Variants in CHD6 observed in about 807,000 individuals in gnomAD.
CHD6 encodes the protein chromodomain helicase DNA binding protein 6, also known as ATP-dependent chromatin remodeler CHD6.
Under a neutral mutation model 276.9 loss-of-function variants are expected in CHD6, and 50 were observed. The observed-to-expected ratio is 0.18, with a 90% CI of 0.14 to 0.23. The LOEUF is 0.23. CHD6 is among the 10% of genes least tolerant of loss of function. CHD6 has a pLI of 1.00. For missense variants in CHD6, 2,564 were observed against 3,365.8 expected (o/e 0.76, Z 5.89); for synonymous variants, 1,173 against 1,229.3 (o/e 0.95, Z 0.96).
chr20:41,559,866 TACACACACACACGCACACATAC>T (rs1196453864), intron 1 of CHD6, among the ~76,000 whole-genome samples: 1 of 151,330 alleles, frequency 6.6e-6, no homozygotes, highest in Non-Finnish European at 1.5e-5. Context: ...GTACCACCTT[TACACACACACACGCACACATAC>T]ACACACACAC....
intron 31 of CHD6, among the ~76,000 whole-genome samples, chr20:41,419,877 T>C (rs1374131641): frequency 6.6e-6 from 1 of 152,218 alleles, no homozygotes; most frequent in Non-Finnish European, 1.5e-5. Flanking sequence ...GTCACCTAGA[T>C]TCTTAACATT....
In CHD6 at chr20:41,467,561, G is replaced by GAAAA. The variant is rs11472253; in HGVS notation, c.2664+5757_2664+5760dup. On this transcript the variant is annotated intron_variant, in intron 17 of 36. Transcript: ENST00000373233. The stretch of plus-strand genomic sequence containing the variant: ...AAATGAATAACGACGTTCTGACAAT[G>GAAAA]AAAAAAAAAAAAAAAAAAAAAAAAA... Among the ~76,000 whole-genome samples the GAAAA allele has an allele frequency of 4.1e-4, 16 of 39,148 alleles. 1 individual carries two copies. The highest frequency in any genetic ancestry group is 6.9e-4 in the East Asian group (1 of 1,448). The allele number at this position is 39,148 out of a possible 152,430, so 25.7% of individuals were successfully genotyped here.
rs146075444 is a variant in CHD6 at position 41,610,297 on chromosome 20, A to T, written c.-24+8043T>A. Among the ~76,000 whole-genome samples, 5 of 152,308 alleles carry T rather than the reference A, an allele frequency of 3.3e-5. No homozygotes were observed. In the East Asian group the frequency reaches 9.6e-4, roughly 29 times the overall value. ...TTAAAATTTGTATTCCCCATTTACA[A>T]GTAGATGGGGAGAGGAGACGGAGAA... On this transcript the variant is annotated intron_variant, in intron 1 of 36. Coordinates refer to ENST00000373233, the MANE Select transcript of CHD6 (RefSeq NM_032221.5).
chr20:41,459,665 T>C (rs551221283), intron 17 of CHD6, among the ~76,000 whole-genome samples: 2 of 152,368 alleles, frequency 1.3e-5, no homozygotes, highest in Admixed American at 6.5e-5. Context: ...GCCGCCGCCA[T>C]GTAAGAACAG....
At chr20:41,502,876 C>T (rs1453925460) in intron 5 of CHD6, among the ~76,000 whole-genome samples, 2 of 152,162 alleles carry the variant, frequency 1.3e-5, no homozygotes, top group African/African-American at 4.8e-5. Flanking sequence ...CGTGGTGGTG[C>T]ACGCCTATAG....
At chr20:41,425,089 T>G (rs1446281302) in intron 29 of CHD6, 89 bp downstream of exon 29, 2 of 977,890 alleles carry the variant, frequency 2.0e-6, no homozygotes, top group Non-Finnish European at 3.2e-6. Context: ...AGAACAGAAA[T>G]ATACTCGCCC....
intron 26 of CHD6, among the ~76,000 whole-genome samples, chr20:41,437,793 G>C (rs2047761990): frequency 6.6e-6 from 1 of 152,210 alleles, no homozygotes. Context: ...GCTGACAATA[G>C]ATCCCTTCTT....
chr20:41,455,192 G>A (rs950550200), intron 19 of CHD6, among the ~76,000 whole-genome samples: 2 of 152,078 alleles, frequency 1.3e-5, no homozygotes, highest in Non-Finnish European at 1.5e-5. Flanking sequence ...AACACTGAAC[G>A]TCCCACTAAA....
chr20:41,461,864 G>A (rs979423275), intron 17 of CHD6: 10 of 152,400 alleles, frequency 6.6e-5, no homozygotes, highest in African/African-American at 2.4e-4. Flanking sequence ...CACCAAGCAT[G>A]GGCAACAGAA....
intron 2 of CHD6, among the ~76,000 whole-genome samples, chr20:41,544,798 A>G (rs1212713862): frequency 2.0e-5 from 3 of 151,394 alleles, no homozygotes; most frequent in Non-Finnish European, 4.4e-5. Context: ...TATGTATAGT[A>G]ATATTACTAT....
rs536376486 is a variant in CHD6 at position 41,508,402 on chromosome 20, A to G, written c.852+4444T>C. 8.1e-4 allele frequency among the ~76,000 whole-genome samples: 123 copies of G among 152,274 alleles called. 1 individual carries two copies. The highest frequency in any genetic ancestry group is 2.7e-3 in the African/African-American group (113 of 41,556). On this transcript the variant is annotated intron_variant, in intron 5 of 36. Transcript: ENST00000373233. ...AGTAACCATCTTGGATTTCGTGAGC[A>G]GGAGACTGAGAAATACCAGCAATTC... is the stretch of plus-strand genomic sequence containing the variant.
intron 1 of CHD6, among the ~76,000 whole-genome samples, chr20:41,605,127 G>A (rs1430493107): frequency 1.3e-5 from 2 of 151,868 alleles, no homozygotes; most frequent in African/African-American, 2.4e-5. Flanking sequence ...ACTCTCAAAT[G>A]GTATTGTCAC....
At chr20:41,509,797 A>T (rs2145949744) in intron 5 of CHD6, among the ~76,000 whole-genome samples, 1 of 152,322 alleles carries the variant, frequency 6.6e-6, no homozygotes, top group South Asian at 2.1e-4. Flanking sequence ...ATAAGAAAAT[A>T]AAGAGTCACA....
intron 10 of CHD6, 21 bp downstream of exon 10, chr20:41,493,517 A>G (rs1601001318): frequency 6.2e-7 from 1 of 1,611,814 alleles, no homozygotes; most frequent in Non-Finnish European, 8.5e-7. Flanking sequence ...GAAGTGCCAG[A>G]GAGAGACAAA....
At chr20:41,411,103 C>A (rs1337295870) in intron 36 of CHD6, among the ~76,000 whole-genome samples, 2 of 152,034 alleles carry the variant, frequency 1.3e-5, no homozygotes, top group African/African-American at 4.8e-5. Flanking sequence ...GGCAGCTTCT[C>A]CAACGTGACA....
At chr20:41,550,709 C>T (rs2045132364) in intron 2 of CHD6, among the ~76,000 whole-genome samples, 1 of 152,178 alleles carries the variant, frequency 6.6e-6, no homozygotes, top group Admixed American at 6.5e-5. Flanking sequence ...CCCATCTGAC[C>T]TCCCTGAGTG....
intron 34 of CHD6, chr20:41,414,754 C>A (rs2046942880): frequency 1.1e-6 from 1 of 910,888 alleles, no homozygotes; most frequent in African/African-American, 1.7e-5. Context: ...CCAATATCAC[C>A]CAGTAAGTCA....
At position 41,402,789 on chromosome 20, in the gene CHD6, T is replaced by C. The variant is rs777611432; in HGVS notation, c.*1804A>G. On this transcript the variant is annotated 3_prime_UTR_variant, in exon 37 of 37. Coordinates refer to ENST00000373233, the MANE Select transcript of CHD6 (RefSeq NM_032221.5). ...TTTCTGCTTCCACTGGAGGCAAAAC[T>C]GAACAAAATGTTAGTTAAATAGAGA... 4 of 210,184 alleles carry C rather than the reference T, an allele frequency of 1.9e-5. No homozygotes were observed. Among genetic ancestry groups the C allele is most frequent in the Non-Finnish European group, 3.9e-5 (4 of 103,476 alleles). 13.0% of individuals were successfully genotyped at this position (210,184 alleles called of 1,614,324 possible).
At chr20:41,493,167 A>G (rs1391422273) in intron 10 of CHD6, among the ~76,000 whole-genome samples, 1 of 152,212 alleles carries the variant, frequency 6.6e-6, no homozygotes, top group African/African-American at 2.4e-5. Flanking sequence ...GGAAAATCAA[A>G]GAAAAGAGGT....
Sources: allele counts gnomAD v4.1 joint callset (sites outside exome capture counted in the v4.1 genomes callset), GRCh38; gene constraint gnomAD v4.1.1; transcripts MANE v1.5; gene names NCBI Gene and HGNC (gene_info 2026-07-23, HGNC 2026-07-21).